Variants in TMC1 observed in about 807,000 individuals in gnomAD.
The protein encoded by TMC1 is transmembrane channel-like protein 1.
TMC1 carries 84 observed loss-of-function variants against 105.8 expected under a neutral mutation model. That is an observed-to-expected ratio of 0.79 (90% CI 0.67 to 0.95). The LOEUF is 0.95. Among genes scored for constraint, TMC1 ranks in the 40% least tolerant of loss-of-function variants. The probability of loss-of-function intolerance (pLI) is 0.00; values close to 1 mark genes in which losing one functional copy is unlikely to be tolerated. For missense variants in TMC1, 817 were observed against 914.1 expected (o/e 0.89, Z 1.37); for synonymous variants, 315 against 311.5 (o/e 1.01, Z -0.12).
At chr9:72,770,301 A>T (rs2487472) in intron 12 of TMC1, among the ~76,000 whole-genome samples, 2,395 of 148,464 alleles carry the variant, frequency 0.016, 62 homozygotes, top group African/African-American at 0.054. Flanking sequence ...TATATATATA[A>T]AATTTATTAT....
At chr9:72,656,069 C>T (rs766407650) in intron 5 of TMC1, 3 of 706,628 alleles carry the variant, frequency 4.2e-6, no homozygotes, top group Non-Finnish European at 7.9e-6. Context: ...TCCTTTGCTC[C>T]TCTGATCAAG....
At chr9:72,793,618 G>A (rs1044229938) in intron 17 of TMC1, among the ~76,000 whole-genome samples, 6 of 152,200 alleles carry the variant, frequency 3.9e-5, no homozygotes, top group Admixed American at 2.0e-4. Context: ...GGCCAGCAAC[G>A]GGTCTGTACA....
intron 8 of TMC1, among the ~76,000 whole-genome samples, chr9:72,730,109 A>G (rs924878287): frequency 3.3e-5 from 5 of 152,202 alleles, no homozygotes; most frequent in African/African-American, 1.2e-4. Flanking sequence ...TCAGCAACAA[A>G]CATGAGAGTG....
At chr9:72,592,329 T>A (rs540479070) in intron 2 of TMC1, among the ~76,000 whole-genome samples, 220 of 152,230 alleles carry the variant, frequency 1.4e-3, no homozygotes, top group Non-Finnish European at 2.6e-3. Flanking sequence ...GAAGGGAAGA[T>A]CATTACAGAT....
At chr9:72,693,810 A>C (rs1406445644) in intron 6 of TMC1, among the ~76,000 whole-genome samples, 2 of 152,134 alleles carry the variant, frequency 1.3e-5, no homozygotes, top group Non-Finnish European at 2.9e-5. Flanking sequence ...ACCTGGAAGC[A>C]TCCTAAAAAG....
intron 8 of TMC1, among the ~76,000 whole-genome samples, chr9:72,727,827 T>C (rs1827147180): frequency 6.6e-6 from 1 of 152,076 alleles, no homozygotes; most frequent in African/African-American, 2.4e-5. Context: ...CCTTCAGGTA[T>C]TAGTGTTGCT....
chr9:72,752,089 T>G, intron 11 of TMC1, 133 bp downstream of exon 11: 1 of 727,510 alleles, frequency 1.4e-6, no homozygotes, highest in South Asian at 1.6e-5. Context: ...GTAATGAGAT[T>G]AACCTTCAAA....
intron 17 of TMC1, among the ~76,000 whole-genome samples, chr9:72,798,950 T>G (rs1414479158): frequency 3.3e-5 from 5 of 152,142 alleles, no homozygotes; most frequent in African/African-American, 1.2e-4. Context: ...TTTAAGTTAT[T>G]TGTTTTCATG....
At chr9:72,832,874 T>A (rs1009140249) in intron 23 of TMC1, among the ~76,000 whole-genome samples, 5 of 152,142 alleles carry the variant, frequency 3.3e-5, no homozygotes, top group African/African-American at 1.2e-4. Flanking sequence ...AGGCTTATCA[T>A]GAAAAACAGC....
At chr9:72,730,081 C>T (rs1299385406) in intron 8 of TMC1, among the ~76,000 whole-genome samples, 8 of 152,138 alleles carry the variant, frequency 5.3e-5, no homozygotes, top group African/African-American at 1.9e-4. Context: ...ATTTTGATTA[C>T]AAAGACTACA....
rs150950366 is a variant in TMC1 at position 72,791,794 on chromosome 9, A to G, written c.1225-92A>G. The stretch of plus-strand genomic sequence containing the variant: ...TTTTTAGTCTTAAAAAAGATCAAAG[A>G]AGCCTAGCTCAGAATCTTCCAAAAT... On this transcript the variant is annotated intron_variant, in intron 15 of 23. Coordinates refer to ENST00000297784, the MANE Select transcript of TMC1 (RefSeq NM_138691.3). 242 of 1,039,194 alleles carry G rather than the reference A, an allele frequency of 2.3e-4. 1 individual carries two copies. The highest frequency in any genetic ancestry group is 3.2e-4 in the Non-Finnish European group (212 of 669,070). The allele number at this position is 1,039,194 out of a possible 1,614,324, so 64.4% of individuals were successfully genotyped here. A position where few individuals can be genotyped will look rare whatever the true frequency, so the allele number is the denominator to read the frequency against.
At chr9:72,718,203 C>A (rs368391549) in intron 8 of TMC1, among the ~76,000 whole-genome samples, 1 of 152,044 alleles carries the variant, frequency 6.6e-6, no homozygotes, top group South Asian at 2.1e-4. Flanking sequence ...TTTTTTCTGG[C>A]AATTCAGGGA....
At chr9:72,607,615 C>CA (rs1156416280) in intron 2 of TMC1, among the ~76,000 whole-genome samples, 1,674 of 54,934 alleles carry the variant, frequency 0.03, 39 homozygotes, top group African/African-American at 0.071. Context: ...GAGTCTGCCT[C>CA]AAAAAAAAAA....
At chr9:72,797,561 A>G (rs892781117) in intron 17 of TMC1, among the ~76,000 whole-genome samples, 3 of 152,070 alleles carry the variant, frequency 2.0e-5, no homozygotes, top group Non-Finnish European at 2.9e-5. Flanking sequence ...TAGAAATAAA[A>G]CCACACAACT....
intron 10 of TMC1, among the ~76,000 whole-genome samples, chr9:72,745,135 A>G (rs1827468146): frequency 6.6e-6 from 1 of 152,012 alleles, no homozygotes; most frequent in African/African-American, 2.4e-5. Context: ...TTTATTTTTT[A>G]TTTTATCAAT....
chr9:72,625,398 A>G (rs1825328845), intron 3 of TMC1, among the ~76,000 whole-genome samples: 1 of 152,208 alleles, frequency 6.6e-6, no homozygotes, highest in African/African-American at 2.4e-5. Context: ...GGTTTAAGGA[A>G]TCAGGGGTGG....
chr9:72,578,379 TTAAC>T (rs2132096720), intron 2 of TMC1: 1 of 152,236 alleles, frequency 6.6e-6, no homozygotes, highest in Admixed American at 6.5e-5. Context: ...TGTCTGCTTA[TTAAC>T]TAACTGCACC....
At chr9:72,681,316 A>G (rs1442433663) in intron 5 of TMC1, among the ~76,000 whole-genome samples, 1 of 152,126 alleles carries the variant, frequency 6.6e-6, no homozygotes, top group Non-Finnish European at 1.5e-5. Flanking sequence ...TGCAAGACTC[A>G]CCACTTACTT....
chr9:72,644,612 C>G (rs918170770), intron 4 of TMC1, among the ~76,000 whole-genome samples: 15 of 152,206 alleles, frequency 9.9e-5, no homozygotes, highest in African/African-American at 3.1e-4. Flanking sequence ...TTCAGTGATT[C>G]ATCTATGTTG....
Sources: allele counts gnomAD v4.1 joint callset (sites outside exome capture counted in the v4.1 genomes callset), GRCh38; gene constraint gnomAD v4.1.1; transcripts MANE v1.5; gene names NCBI Gene and HGNC (gene_info 2026-07-23, HGNC 2026-07-21).